Variants in MGAT4C observed in about 807,000 individuals in gnomAD.
MGAT4C encodes the protein MGAT4 family member C, also known as alpha-1,3-mannosyl-glycoprotein 4-beta-N-acetylglucosaminyltransferase C.
Under a neutral mutation model 40.1 loss-of-function variants are expected in MGAT4C, and 19 were observed. The ratio of observed to expected loss-of-function variants is 0.47; its 90% CI spans 0.33 to 0.70. The LOEUF (loss-of-function observed/expected upper bound fraction) is 0.70, where lower values mean the gene tolerates loss of function less well. Ranked by LOEUF, MGAT4C falls within the 30% of genes least tolerant of loss-of-function variation. MGAT4C has a pLI of 0.02. For synonymous variants in MGAT4C, 181 were observed against 187.1 expected (o/e 0.97, Z 0.27); for missense variants, 491 against 563.2 (o/e 0.87, Z 1.30).
intron 1 of MGAT4C, among the ~76,000 whole-genome samples, chr12:86,184,738 TAAAAA>T (rs34098097): frequency 2.3e-5 from 2 of 86,910 alleles, no homozygotes; most frequent in Non-Finnish European, 4.3e-5. Context: ...TTTCTCCTGT[TAAAAA>T]AAAAAAAAAA....
chr12:86,464,939 C>A (rs1957658042), intron 2 of MGAT4C, among the ~76,000 whole-genome samples: 1 of 151,962 alleles, frequency 6.6e-6, no homozygotes, highest in African/African-American at 2.4e-5. Flanking sequence ...GATATTCACA[C>A]TATTTTGTTG....
At chr12:86,711,214 C>T (rs1304637429) in intron 2 of MGAT4C, among the ~76,000 whole-genome samples, 7 of 151,918 alleles carry the variant, frequency 4.6e-5, no homozygotes, top group African/African-American at 1.7e-4. Context: ...TAAAATAATA[C>T]TAATAATTTA....
chr12:86,652,083 G>A (rs1963713400), intron 2 of MGAT4C, among the ~76,000 whole-genome samples: 1 of 151,516 alleles, frequency 6.6e-6, no homozygotes, highest in Non-Finnish European at 1.5e-5. Context: ...TAGTTTTTTT[G>A]CAACTTACTT....
intron 2 of MGAT4C, among the ~76,000 whole-genome samples, chr12:86,571,677 T>C (rs1960372914): frequency 1.3e-5 from 2 of 152,238 alleles, no homozygotes; most frequent in South Asian, 2.1e-4. Context: ...ATGCATTGTA[T>C]AGATTATAAG....
intron 1 of MGAT4C, among the ~76,000 whole-genome samples, chr12:86,749,692 C>T (rs1050939456): frequency 2.6e-5 from 4 of 151,724 alleles, no homozygotes; most frequent in Non-Finnish European, 3.0e-5. Context: ...GCAAAGAATG[C>T]TGCCAATTTT....
chr12:86,778,202 T>G (rs2136178759), intron 1 of MGAT4C, among the ~76,000 whole-genome samples: 1 of 152,306 alleles, frequency 6.6e-6, no homozygotes, highest in East Asian at 1.9e-4. Context: ...AGGATCAACT[T>G]CAGAGGTCCT....
At chr12:85,983,417 T>C in intron 4 of MGAT4C, 106 bp downstream of exon 4, 2 of 1,048,854 alleles carry the variant, frequency 1.9e-6, no homozygotes, top group Non-Finnish European at 2.6e-6. Context: ...AATAATTTAT[T>C]ATATTAGTAA....
chr12:86,817,133 A>G (rs999044348), intron 1 of MGAT4C, among the ~76,000 whole-genome samples: 4 of 150,788 alleles, frequency 2.7e-5, no homozygotes, highest in African/African-American at 9.7e-5. Context: ...TTTTTTCATG[A>G]TATAAAATAT....
chr12:86,806,449 T>TGTGAGA (rs5799800), intron 1 of MGAT4C, among the ~76,000 whole-genome samples: 70,767 of 149,834 alleles, frequency 0.47, 17,825 homozygotes, highest in Admixed American at 0.59. Flanking sequence ...TGTGTGTGTG[T>TGTGAGA]GAGAGAGAGA....
At chr12:86,377,914 T>C (rs528741798) in intron 3 of MGAT4C, among the ~76,000 whole-genome samples, 2 of 152,176 alleles carry the variant, frequency 1.3e-5, no homozygotes, top group Admixed American at 6.6e-5. Flanking sequence ...GCTGTCTCTA[T>C]GAACTTGATT....
intron 2 of MGAT4C, among the ~76,000 whole-genome samples, chr12:86,643,699 G>A (rs1485069608): frequency 6.6e-6 from 1 of 151,810 alleles, no homozygotes; most frequent in African/African-American, 2.4e-5. Flanking sequence ...AATGAGATGT[G>A]ACTTCTAATG....
intron 2 of MGAT4C, among the ~76,000 whole-genome samples, chr12:86,686,640 T>C (rs1459458010): frequency 6.6e-6 from 1 of 152,210 alleles, no homozygotes; most frequent in Non-Finnish European, 1.5e-5. Context: ...ACTATGTTTA[T>C]TGATTTTCAT....
intron 2 of MGAT4C, among the ~76,000 whole-genome samples, chr12:86,531,619 T>A (rs1195631727): frequency 6.6e-6 from 1 of 152,044 alleles, no homozygotes; most frequent in Non-Finnish European, 1.5e-5. Flanking sequence ...TTTCAGACTT[T>A]ACATCCATTC....
At chr12:86,481,076 T>C (rs562159299) in intron 2 of MGAT4C, among the ~76,000 whole-genome samples, 1 of 151,980 alleles carries the variant, frequency 6.6e-6, no homozygotes, top group Non-Finnish European at 1.5e-5. Context: ...ATAACAAACA[T>C]CAAAGAGACA....
chr12:86,168,213 C>T (rs759189583), intron 1 of MGAT4C, among the ~76,000 whole-genome samples: 2 of 152,030 alleles, frequency 1.3e-5, no homozygotes, highest in East Asian at 1.9e-4. Flanking sequence ...TTTTCATGTG[C>T]GCATATAGCA....
At chr12:86,678,718 T>C (rs958526316) in intron 2 of MGAT4C, among the ~76,000 whole-genome samples, 14 of 152,142 alleles carry the variant, frequency 9.2e-5, no homozygotes, top group African/African-American at 3.1e-4. Context: ...CTGAGAATGA[T>C]GATTTCCAAT....
At chr12:86,201,349 T>C (rs1950041957) in intron 1 of MGAT4C, among the ~76,000 whole-genome samples, 1 of 151,766 alleles carries the variant, frequency 6.6e-6, no homozygotes. Context: ...CCTACTCTGA[T>C]CCATTGTTCT....
At chr12:86,670,442 T>C (rs1964226306) in intron 2 of MGAT4C, among the ~76,000 whole-genome samples, 1 of 151,760 alleles carries the variant, frequency 6.6e-6, no homozygotes, top group Non-Finnish European at 1.5e-5. Context: ...AAAATAAAAT[T>C]GAAAGTTTTA....
At chr12:86,006,130 G>A (rs905825171) in intron 2 of MGAT4C, among the ~76,000 whole-genome samples, 1 of 152,090 alleles carries the variant, frequency 6.6e-6, no homozygotes, top group African/African-American at 2.4e-5. Context: ...TGTATGGACA[G>A]CCTTTGTGCT....
Sources: gnomAD v4.1 joint callset for allele counts (sites outside exome capture counted in the v4.1 genomes callset) on GRCh38, gnomAD v4.1.1 for gene constraint, MANE v1.5 for transcripts, NCBI Gene and HGNC (gene_info 2026-07-23, HGNC 2026-07-21) for gene names.